SCARB2: variants seen among roughly 807,000 people sequenced by gnomAD.
The protein encoded by SCARB2 is scavenger receptor class B member 2, also known as lysosome membrane protein 2.
Under a neutral mutation model 58.6 loss-of-function variants are expected in SCARB2, and 29 were observed. That is an observed-to-expected ratio of 0.49 (90% CI 0.37 to 0.67). The LOEUF is 0.67. Among genes scored for constraint, SCARB2 ranks in the 30% least tolerant of loss-of-function variants. The pLI is 0.00. For synonymous variants in SCARB2, 195 were observed against 210.1 expected (o/e 0.93, Z 0.62); for missense variants, 488 against 578.5 (o/e 0.84, Z 1.60).
chr4:76,227,215 T>C (rs1373846382), intron 1 of SCARB2, among the ~76,000 whole-genome samples: 1 of 152,220 alleles, frequency 6.6e-6, no homozygotes, highest in Non-Finnish European at 1.5e-5. Context: ...GAGGGTTTGA[T>C]AAGTTGTGTC....
At chr4:76,208,227 A>G (rs967047672) in intron 1 of SCARB2, among the ~76,000 whole-genome samples, 11 of 152,176 alleles carry the variant, frequency 7.2e-5, no homozygotes, top group African/African-American at 2.7e-4. Flanking sequence ...AGCCTACTAT[A>G]TTGTCTTAAT....
chr4:76,214,568 T>C (rs536634073), upstream of SCARB2: 2 of 336,234 alleles, frequency 5.9e-6, no homozygotes, highest in Non-Finnish European at 1.2e-5. Context: ...GCTCTTGGTA[T>C]CCTGTTAAAG....
chr4:76,211,119 C>T (rs1733037097), intron 1 of SCARB2, among the ~76,000 whole-genome samples: 1 of 152,190 alleles, frequency 6.6e-6, no homozygotes, highest in Non-Finnish European at 1.5e-5. Context: ...TACAATAATA[C>T]ACATGCAGAG....
At chr4:76,176,370 TAGA>T in intron 5 of SCARB2, 64 bp downstream of exon 5, 3 of 1,084,356 alleles carry the variant, frequency 2.8e-6, no homozygotes, top group South Asian at 1.3e-5. Context: ...TTAAGCAATG[TAGA>T]AGTAGACATG....
chr4:76,180,058 A>C, intron 3 of SCARB2: 17 of 282,522 alleles, frequency 6.0e-5, no homozygotes, highest in South Asian at 1.8e-4. Context: ...CTCATTATAA[A>C]CCCGACCTAC....
In SCARB2 at chr4:76,163,239, C is replaced by G. The variant is rs1731934728; in HGVS notation, c.1384G>C (p.Gly462Arg). 6.2e-7 allele frequency: 1 copy of G among 1,614,030 alleles called. No individual in the cohort carries two copies. The highest frequency in any genetic ancestry group is 1.7e-5 in the Admixed American group (1 of 60,002). ...CCAGTTCTCACCTCATCCATGGATC[C>G]CTGTCCTTTGCATGCAAGCCAGGTA... is the stretch of plus-strand genomic sequence containing the variant. ...VFTWLACKGQ[G>R]SMDEGTADER... The change falls in exon 11 of 12, where the codon GGA (glycine) becomes CGA (arginine). Residue 462 changes from glycine (G) to arginine (R), a missense_variant. Physicochemically the swap from Gly to Arg is moderately radical, Grantham distance 125. Coordinates refer to ENST00000264896, the MANE Select transcript of SCARB2 (RefSeq NM_005506.4).
intron 9 of SCARB2, 51 bp from the exon 10 acceptor site, chr4:76,166,352 C>G: frequency 6.5e-7 from 1 of 1,543,476 alleles, no homozygotes; most frequent in Non-Finnish European, 9.0e-7. Flanking sequence ...ATCACAATGG[C>G]ACACTTTCCC....
intron 1 of SCARB2, among the ~76,000 whole-genome samples, chr4:76,229,995 C>G (rs1186165063): frequency 6.6e-6 from 1 of 152,198 alleles, no homozygotes; most frequent in Non-Finnish European, 1.5e-5. Context: ...TTCAAGAGAG[C>G]ACCAGCTACG....
chr4:76,208,926 AC>A (rs1391858933), intron 1 of SCARB2, among the ~76,000 whole-genome samples: 1 of 152,210 alleles, frequency 6.6e-6, no homozygotes, highest in Admixed American at 6.5e-5. Context: ...TTACACCAGC[AC>A]AACAGGTACA....
intron 2 of SCARB2, among the ~76,000 whole-genome samples, chr4:76,190,721 T>C (rs61313750): frequency 0.023 from 3,501 of 152,148 alleles, 121 homozygotes; most frequent in African/African-American, 0.08. Flanking sequence ...GAGACAAAGG[T>C]TGCAGTGAGC....
upstream of SCARB2, among the ~76,000 whole-genome samples, chr4:76,216,507 C>G (rs1733210546): frequency 6.6e-6 from 1 of 152,214 alleles, no homozygotes; most frequent in African/African-American, 2.4e-5. Flanking sequence ...GGTACTCTTC[C>G]TTTTCATTGT....
rs1731877061 is a variant in SCARB2, at chr4:76,160,672, T to C, written c.*1041A>G. The C allele has an allele frequency of 6.6e-6, 1 of 152,194 alleles. No individual in the cohort carries two copies. The highest frequency in any genetic ancestry group is 1.5e-5 in the Non-Finnish European group (1 of 68,028). The allele number at this position is 152,194 out of a possible 1,614,324, so 9.4% of individuals were successfully genotyped here. On this transcript the variant is annotated 3_prime_UTR_variant, in exon 12 of 12. Coordinates refer to ENST00000264896, the MANE Select transcript of SCARB2 (RefSeq NM_005506.4). ...GGAACTTGTAAAAAGAACTTCAAAA[T>C]TACCAAGAAGGCGGCTGTCCCAGAA...
At chr4:76,175,447 G>A (rs1044741405) in intron 6 of SCARB2, 1 of 344,572 alleles carries the variant, frequency 2.9e-6, no homozygotes, top group Non-Finnish European at 5.6e-6. Flanking sequence ...CCTGGGCTAA[G>A]TATTTGACTA....
chr4:76,218,726 TC>T (rs1262475967), upstream of SCARB2, among the ~76,000 whole-genome samples: 2 of 152,222 alleles, frequency 1.3e-5, no homozygotes, highest in Non-Finnish European at 1.5e-5. Flanking sequence ...TTCACCTTTT[TC>T]TCTTCCCTTT....
At position 76,226,591 on chromosome 4, in the gene SCARB2, C is replaced by T. The variant is rs770851178; in HGVS notation, c.-358+7712G>A. 5.9e-4 allele frequency among the ~76,000 whole-genome samples: 89 copies of T among 152,116 alleles called. 1 individual carries two copies. The highest frequency in any genetic ancestry group is 1.9e-4 in the Non-Finnish European group (13 of 68,026). On this transcript the variant is annotated intron_variant, in intron 1 of 11. Transcript: ENST00000638295. ...GCACAGAGCTTGGTGTTCCATAGGC[C>T]ACAAGGGGTTTTGGACCCTGGACCC... is the stretch of plus-strand genomic sequence containing the variant.
rs972318225 is a variant in SCARB2, at chr4:76,213,718, C to A, written c.-175G>T. ...GGGCTCCGCGGCCTGGCGAGCGCGG[C>A]CCCGGGTGCACCGGGCGGATGGGGC... On this transcript the variant is annotated 5_prime_UTR_variant, in exon 1 of 12. Coordinates refer to ENST00000264896, the MANE Select transcript of SCARB2 (RefSeq NM_005506.4). The A allele has an allele frequency of 3.9e-6, 2 of 517,612 alleles. No individual in the cohort carries two copies. The highest frequency in any genetic ancestry group is 2.1e-5 in the African/African-American group (1 of 48,194). 32.1% of individuals were successfully genotyped at this position (517,612 alleles called of 1,614,324 possible). A position where few individuals can be genotyped will look rare whatever the true frequency, so the allele number is the denominator to read the frequency against.
At chr4:76,218,140 CT>C (rs1214965370), upstream of SCARB2, among the ~76,000 whole-genome samples, 1 of 152,218 alleles carries the variant, frequency 6.6e-6, no homozygotes, top group Non-Finnish European at 1.5e-5. Flanking sequence ...GGAAATGGCC[CT>C]AGGCCTTGCC....
chr4:76,184,183 C>A lies in SCARB2; in HGVS notation c.276-3082G>T, dbSNP rs192802646. Among the ~76,000 whole-genome samples, 440 of 152,270 alleles carry A rather than the reference C, an allele frequency of 2.9e-3. 7 individuals are homozygous for A. Among genetic ancestry groups the A allele is most frequent in the Non-Finnish European group, 1.9e-3 (126 of 68,010 alleles). On this transcript the variant is annotated intron_variant, in intron 2 of 11. Coordinates refer to ENST00000264896, the MANE Select transcript of SCARB2 (RefSeq NM_005506.4). ...CACAGCTGGGGACACAGAGCACAGG[C>A]AGAAGAGTGAGAACTTGATCCCAAG...
At position 76,219,309 on chromosome 4, in the gene SCARB2, C is replaced by T. The variant is rs570319676; in HGVS notation, c.-358+14994G>A. On this transcript the variant is annotated intron_variant, in intron 1 of 11. Transcript: ENST00000638295. ...GAGAGCCAGGAAGGAGTTGCCAGTC[C>T]GGTGGCCAAAAATATACTTTGCAAT... Among the ~76,000 whole-genome samples, 9 of 152,202 alleles carry T rather than the reference C, an allele frequency of 5.9e-5. No homozygotes were observed. In the East Asian group the frequency reaches 7.7e-4, roughly 13 times the overall value.
Sources: allele counts gnomAD v4.1 joint callset (sites outside exome capture counted in the v4.1 genomes callset), GRCh38; gene constraint gnomAD v4.1.1; transcripts MANE v1.5; gene names NCBI Gene and HGNC (gene_info 2026-07-23, HGNC 2026-07-21).